The following BTBD9 variants were observed in gnomAD, a reference collection of about 807,000 sequenced individuals.
The protein encoded by BTBD9 is BTB domain containing 9.
Under a neutral mutation model 64.3 loss-of-function variants are expected in BTBD9, and 49 were observed. The observed-to-expected ratio is 0.76, with a 90% CI of 0.61 to 0.97. The LOEUF is 0.97. Ranked by LOEUF, BTBD9 falls within the 50% of genes least tolerant of loss-of-function variation. BTBD9 has a pLI of 0.00. For missense variants in BTBD9, 598 were observed against 762.1 expected (o/e 0.78, Z 2.53); for synonymous variants, 260 against 274.7 (o/e 0.95, Z 0.53).
chr6:38,390,114 T>C (rs7749685), intron 6 of BTBD9, among the ~76,000 whole-genome samples: 64,284 of 152,088 alleles, frequency 0.42, 17,220 homozygotes, highest in East Asian at 0.95. Context: ...TCTCAGAGTG[T>C]GCTGCGCTAC....
chr6:38,590,253 GA>G (rs1029642190), intron 4 of BTBD9, among the ~76,000 whole-genome samples: 16 of 149,892 alleles, frequency 1.1e-4, no homozygotes, highest in East Asian at 1.9e-4. Flanking sequence ...GATATACACA[GA>G]AAAAAAAACA....
chr6:38,383,048 C>A (rs1766006758), intron 6 of BTBD9, among the ~76,000 whole-genome samples: 1 of 152,078 alleles, frequency 6.6e-6, no homozygotes, highest in Admixed American at 6.6e-5. Flanking sequence ...GAGGCTGATA[C>A]AACCTGAAAA....
chr6:38,288,016 A>G (rs2127555335), intron 8 of BTBD9, among the ~76,000 whole-genome samples: 1 of 152,324 alleles, frequency 6.6e-6, no homozygotes. Flanking sequence ...AAAGGACATA[A>G]GCCACCCAGG....
chr6:38,375,770 T>C (rs1582320534), intron 6 of BTBD9, among the ~76,000 whole-genome samples: 1 of 152,128 alleles, frequency 6.6e-6, no homozygotes, highest in Non-Finnish European at 1.5e-5. Context: ...ATTAATTCTT[T>C]TAAAATAGAA....
At chr6:38,621,786 T>A (rs1420430241) in intron 1 of BTBD9, among the ~76,000 whole-genome samples, 2 of 152,072 alleles carry the variant, frequency 1.3e-5, no homozygotes, top group Non-Finnish European at 2.9e-5. Context: ...GCCAAAGCCA[T>A]CAAAAAGGTG....
At chr6:38,490,411 C>G (rs1418903872) in intron 6 of BTBD9, among the ~76,000 whole-genome samples, 2 of 152,140 alleles carry the variant, frequency 1.3e-5, no homozygotes, top group African/African-American at 4.8e-5. Flanking sequence ...ACCTCCGCCT[C>G]CCAGGTTCAA....
intron 7 of BTBD9, among the ~76,000 whole-genome samples, chr6:38,319,557 G>A (rs762178673): frequency 4.6e-5 from 7 of 151,962 alleles, no homozygotes; most frequent in Non-Finnish European, 8.8e-5. Flanking sequence ...GTTCCCTTCT[G>A]GCCCAGGGCG....
chr6:38,618,704 C>T (rs1370915050), intron 1 of BTBD9, among the ~76,000 whole-genome samples: 2 of 152,212 alleles, frequency 1.3e-5, no homozygotes, highest in African/African-American at 4.8e-5. Context: ...GGGAAGTTTT[C>T]AGATGATCCT....
At chr6:38,176,527 C>G (rs2127470089) in intron 10 of BTBD9, among the ~76,000 whole-genome samples, 1 of 152,344 alleles carries the variant, frequency 6.6e-6, no homozygotes, top group East Asian at 1.9e-4. Context: ...CTCACTGCCT[C>G]ACGGCTGAAG....
chr6:38,530,397 C>T (rs1242934142), intron 6 of BTBD9, among the ~76,000 whole-genome samples: 1 of 152,142 alleles, frequency 6.6e-6, no homozygotes, highest in Non-Finnish European at 1.5e-5. Flanking sequence ...TATACCTACT[C>T]CATGTTCTTA....
In BTBD9 at chr6:38,374,208, G is replaced by A. The variant is rs368198190; in HGVS notation, c.1155-29115C>T. Among the ~76,000 whole-genome samples, 95 of 146,110 alleles carry A rather than the reference G, an allele frequency of 6.5e-4. No individual in the cohort carries two copies. In the East Asian group the frequency reaches 0.011, roughly 18 times the overall value. ...CGCTTGAAACTGGGAGGTAAAGGTC[G>A]CAGTGAGCCGAGACTGTGCCACCGT... On this transcript the variant is annotated intron_variant, in intron 6 of 10. Transcript: ENST00000481247.
chr6:38,406,837 T>C (rs1015541485), intron 6 of BTBD9, among the ~76,000 whole-genome samples: 26 of 152,160 alleles, frequency 1.7e-4, no homozygotes, highest in African/African-American at 5.5e-4. Flanking sequence ...TCCTGGGCTC[T>C]AGCAATCCTC....
intron 6 of BTBD9, among the ~76,000 whole-genome samples, chr6:38,485,246 C>T (rs376992472): frequency 4.6e-5 from 7 of 152,226 alleles, no homozygotes; most frequent in East Asian, 1.9e-4. Context: ...CTTCAGACTA[C>T]ACTTACTGCT....
At chr6:38,288,002 T>G (rs1761811510) in intron 8 of BTBD9, among the ~76,000 whole-genome samples, 1 of 152,216 alleles carries the variant, frequency 6.6e-6, no homozygotes, top group Non-Finnish European at 1.5e-5. Context: ...AAATTGAGAC[T>G]TGAAAAGGAC....
At chr6:38,324,092 C>A (rs895109090) in intron 7 of BTBD9, among the ~76,000 whole-genome samples, 2 of 152,154 alleles carry the variant, frequency 1.3e-5, no homozygotes, top group African/African-American at 4.8e-5. Flanking sequence ...GACAGCCTGT[C>A]TCGCGGTACG....
chr6:38,443,268 A>G (rs536259219), intron 6 of BTBD9, among the ~76,000 whole-genome samples: 50 of 152,314 alleles, frequency 3.3e-4, no homozygotes, highest in Non-Finnish European at 7.1e-4. Context: ...AAGCCAATAT[A>G]TAACACACTT....
chr6:38,396,314 T>C (rs1766669999), intron 6 of BTBD9, among the ~76,000 whole-genome samples: 1 of 152,234 alleles, frequency 6.6e-6, no homozygotes, highest in Non-Finnish European at 1.5e-5. Flanking sequence ...GTTAGTGTAC[T>C]GAATGTGAAC....
At chr6:38,548,593 T>A (rs538914499) in intron 6 of BTBD9, among the ~76,000 whole-genome samples, 1 of 145,844 alleles carries the variant, frequency 6.9e-6, no homozygotes, top group South Asian at 2.2e-4. Context: ...AAGCAAAATA[T>A]CTATTTTTTT....
At chr6:38,553,294 TG>T (rs1344191444) in intron 6 of BTBD9, among the ~76,000 whole-genome samples, 2 of 152,098 alleles carry the variant, frequency 1.3e-5, no homozygotes, top group Non-Finnish European at 2.9e-5. Context: ...CACACCATGA[TG>T]GGTCAATCTG....
Sources: allele counts gnomAD v4.1 joint callset (sites outside exome capture counted in the v4.1 genomes callset), GRCh38; gene constraint gnomAD v4.1.1; transcripts MANE v1.5; gene names NCBI Gene and HGNC (gene_info 2026-07-23, HGNC 2026-07-21).